RAD54L2: variants seen among roughly 807,000 people sequenced by gnomAD.
The protein encoded by RAD54L2 is helicase ARIP4.
In RAD54L2, 27 loss-of-function variants were observed where a neutral mutation model predicts 138.4. The observed-to-expected ratio is 0.20, with a 90% CI of 0.14 to 0.27. The LOEUF (loss-of-function observed/expected upper bound fraction) is 0.27. Ranked by LOEUF, RAD54L2 falls within the 10% of genes least tolerant of loss-of-function variation. The pLI is 1.00. For synonymous variants in RAD54L2, 644 were observed against 723.2 expected (o/e 0.89, Z 1.76); for missense variants, 1,396 against 1,890.2 (o/e 0.74, Z 4.85).
intron 3 of RAD54L2, among the ~76,000 whole-genome samples, chr3:51,609,088 A>G (rs1700273437): frequency 6.6e-6 from 1 of 152,052 alleles, no homozygotes; most frequent in African/African-American, 2.4e-5. Flanking sequence ...ATGGGGTTTC[A>G]CCATGTTGGC....
At chr3:51,542,557 C>T (rs1553671480) in intron 2 of RAD54L2, among the ~76,000 whole-genome samples, 2 of 151,820 alleles carry the variant, frequency 1.3e-5, no homozygotes, top group African/African-American at 2.4e-5. Flanking sequence ...GCCATTCTCC[C>T]GCCTCAGCCT....
At chr3:51,607,874 G>A (rs1454172752) in intron 3 of RAD54L2, among the ~76,000 whole-genome samples, 2 of 148,292 alleles carry the variant, frequency 1.3e-5, no homozygotes, top group Non-Finnish European at 3.0e-5. Flanking sequence ...ATGGGGCGGC[G>A]GCCGGGCGGG....
chr3:51,648,165 G>T (rs944485405), intron 19 of RAD54L2, among the ~76,000 whole-genome samples: 4 of 152,188 alleles, frequency 2.6e-5, no homozygotes, highest in African/African-American at 9.7e-5. Flanking sequence ...GTCTCAGTGG[G>T]TCCCACACCC....
chr3:51,576,276 G>A (rs1200717004), intron 2 of RAD54L2, among the ~76,000 whole-genome samples: 7 of 152,098 alleles, frequency 4.6e-5, no homozygotes, highest in South Asian at 4.1e-4. Context: ...TTTTTGCATC[G>A]ATGTTCATCA....
At chr3:51,619,235 T>G (rs1450259350) in intron 3 of RAD54L2, among the ~76,000 whole-genome samples, 1 of 152,146 alleles carries the variant, frequency 6.6e-6, no homozygotes, top group African/African-American at 2.4e-5. Flanking sequence ...TTTTTTGTAT[T>G]TTTAGTAGAG....
chr3:51,623,212 G>A (rs1700604633), intron 3 of RAD54L2, among the ~76,000 whole-genome samples: 4 of 152,218 alleles, frequency 2.6e-5, no homozygotes, highest in South Asian at 2.1e-4. Flanking sequence ...CAGTATGTGT[G>A]TGTAAGAAAC....
chr3:51,644,714 C>G (rs897859456), intron 16 of RAD54L2, among the ~76,000 whole-genome samples: 1 of 152,172 alleles, frequency 6.6e-6, no homozygotes, highest in Non-Finnish European at 1.5e-5. Flanking sequence ...ATAGTGGAAA[C>G]ATCTGTGTGC....
At chr3:51,639,856 A>G (rs1231067831) in intron 13 of RAD54L2, 25 bp from the exon 14 acceptor site, 3 of 1,553,790 alleles carry the variant, frequency 1.9e-6, no homozygotes, top group Admixed American at 1.8e-5. Flanking sequence ...GACCTGCTCT[A>G]AGCTGCCTTG....
intron 2 of RAD54L2, among the ~76,000 whole-genome samples, chr3:51,579,567 A>G (rs1267316235): frequency 6.6e-6 from 1 of 152,208 alleles, no homozygotes; most frequent in Non-Finnish European, 1.5e-5. Flanking sequence ...AATTTGGTTC[A>G]TGTGAGATTC....
intron 3 of RAD54L2, among the ~76,000 whole-genome samples, chr3:51,607,833 C>T (rs1388608226): frequency 1.1e-4 from 16 of 144,770 alleles, no homozygotes; most frequent in East Asian, 2.2e-4. Flanking sequence ...CCAGACGGGG[C>T]GGCTGGGCAG....
chr3:51,611,943 G>A (rs557252976), intron 3 of RAD54L2, among the ~76,000 whole-genome samples: 2 of 152,204 alleles, frequency 1.3e-5, no homozygotes, highest in South Asian at 2.1e-4. Flanking sequence ...GTCCCTGGGC[G>A]GTAGAGTTTC....
At chr3:51,647,265 C>T (rs1367157991) in intron 19 of RAD54L2, among the ~76,000 whole-genome samples, 1 of 152,120 alleles carries the variant, frequency 6.6e-6, no homozygotes, top group Non-Finnish European at 1.5e-5. Context: ...TGCAGTGGTG[C>T]GATCACAGCT....
intron 2 of RAD54L2, among the ~76,000 whole-genome samples, chr3:51,558,408 C>G (rs557582625): frequency 2.0e-5 from 3 of 151,954 alleles, no homozygotes; most frequent in Non-Finnish European, 4.4e-5. Context: ...TCTTAAATAT[C>G]AATTTCATTT....
In RAD54L2 at chr3:51,641,762, A is replaced by G. The variant is rs1701142215; in HGVS notation, c.2245A>G (p.Thr749Ala). ...KILVFSQSLS[T>A]LALIEEFLGK... The stretch of plus-strand genomic sequence containing the variant: ...TTTCTGTTTCAGCCAGAGTCTTTCC[A>G]CCTTGGCTCTCATCGAGGAATTCCT... Residue 749 changes from threonine (T) to alanine (A), a missense_variant, in exon 15 of 23, where the codon ACC (threonine) becomes GCC (alanine). Physicochemically the swap from Thr to Ala is moderately conservative, Grantham distance 58. Transcript: ENST00000684192. 1 of 1,587,728 alleles carries G rather than the reference A, an allele frequency of 6.3e-7. No individual in the cohort carries two copies. The highest frequency in any genetic ancestry group is 1.3e-5 in the African/African-American group (1 of 74,444).
At position 51,604,527 on chromosome 3, in the gene RAD54L2, A is replaced by G. The variant is rs180934598; in HGVS notation, c.139+13968A>G. Among the ~76,000 whole-genome samples the G allele has an allele frequency of 3.9e-5, 6 of 152,314 alleles. No homozygotes were observed. The East Asian group carries it at 1.2e-3, about 29-fold the overall frequency. On this transcript the variant is annotated intron_variant, in intron 3 of 22. Coordinates refer to ENST00000684192, the MANE Select transcript of RAD54L2 (RefSeq NM_015106.4). ...GCTTAGAGCATGGACCTTGTAGACA[A>G]ATCAACCACCTGGAATCAAATCTTA...
chr3:51,645,745 C>G lies in RAD54L2; in HGVS notation c.2811C>G (p.Tyr937Ter). Residue 937 changes from tyrosine to a stop codon, truncating the protein, a stop_gained, in exon 18 of 23, where the codon TAC becomes TAG. Transcript: ENST00000684192. LOFTEE classifies it high-confidence loss of function. This position sits in a 1 kb window ranked among gnomAD's most constrained non-coding sequence, Gnocchi z 6.1. ...ESVLQLACLK[Y>*]PHLITKEPFE... ...TCCTGCAACTGGCCTGTCTGAAGTA[C>G]CCTCACCTCATCACCAAGGTAAGAA... The G allele has an allele frequency of 6.2e-7, 1 of 1,611,214 alleles. No individual in the cohort carries two copies. Among genetic ancestry groups the G allele is most frequent in the Non-Finnish European group, 8.5e-7 (1 of 1,178,910 alleles).
intron 3 of RAD54L2, among the ~76,000 whole-genome samples, chr3:51,612,112 C>T (rs540350653): frequency 1.3e-5 from 2 of 152,274 alleles, no homozygotes; most frequent in South Asian, 4.1e-4. Flanking sequence ...TGGATCTTTT[C>T]TCATAACTGA....
At chr3:51,643,848 C>T (rs1444465339) in intron 15 of RAD54L2, 27 bp from the exon 16 acceptor site, 1 of 1,537,784 alleles carries the variant, frequency 6.5e-7, no homozygotes, top group Non-Finnish European at 8.9e-7. Context: ...AATATATCCA[C>T]TGCTTATGGT....
intron 9 of RAD54L2, 147 bp downstream of exon 9, chr3:51,634,182 C>T: frequency 1.8e-6 from 2 of 1,120,064 alleles, no homozygotes; most frequent in Non-Finnish European, 2.5e-6. Context: ...GTTCTTGCTA[C>T]TCATTTTTTT....
Sources: gnomAD v4.1 joint callset for allele counts (sites outside exome capture counted in the v4.1 genomes callset) on GRCh38, gnomAD v4.1.1 for gene constraint, Gnocchi (gnomAD v3.1) non-coding constraint, MANE v1.5 for transcripts, NCBI Gene and HGNC (gene_info 2026-07-23, HGNC 2026-07-21) for gene names.